Variants in NECTIN3 observed in about 807,000 individuals in gnomAD.
The protein encoded by NECTIN3 is nectin cell adhesion molecule 3, also known as nectin-3.
Under a neutral mutation model 49.4 loss-of-function variants are expected in NECTIN3, and 8 were observed. The observed-to-expected ratio is 0.16, with a 90% CI of 0.10 to 0.29. The LOEUF (loss-of-function observed/expected upper bound fraction) is 0.29. Ranked by LOEUF, NECTIN3 falls within the 10% of genes least tolerant of loss-of-function variation. NECTIN3 has a pLI of 1.00. For missense variants in NECTIN3, 581 were observed against 654.6 expected (o/e 0.89, Z 1.23); for synonymous variants, 277 against 241.1 (o/e 1.15, Z -1.38).
At chr3:111,074,946 T>C (rs1307118305) in intron 1 of NECTIN3, 1 of 152,060 alleles carries the variant, frequency 6.6e-6, no homozygotes, top group African/African-American at 2.4e-5. Flanking sequence ...TAGACTGACC[T>C]TTGTAAGGTC....
At chr3:111,177,823 C>T (rs1433526983) in intron 7 of NECTIN3, among the ~76,000 whole-genome samples, 1 of 151,984 alleles carries the variant, frequency 6.6e-6, no homozygotes, top group African/African-American at 2.4e-5. Context: ...GCATTTGTAC[C>T]CCAGAAATGG....
intron 7 of NECTIN3, among the ~76,000 whole-genome samples, chr3:111,159,272 T>C (rs997565837): frequency 2.0e-5 from 3 of 152,186 alleles, no homozygotes; most frequent in Non-Finnish European, 2.9e-5. Flanking sequence ...ACCAATATTG[T>C]CCTGAGGGAA....
intron 1 of NECTIN3, among the ~76,000 whole-genome samples, chr3:111,081,131 A>ATAAT (rs2031575521): frequency 6.6e-6 from 1 of 152,164 alleles, no homozygotes; most frequent in Non-Finnish European, 1.5e-5. Context: ...AAATAAATAA[A>ATAAT]TAAGCCAGGC....
chr3:111,137,647 GTTTAT>G (rs1292622855), downstream of NECTIN3: 2 of 267,010 alleles, frequency 7.5e-6, no homozygotes, highest in East Asian at 1.8e-4. Flanking sequence ...GTGTAACCTA[GTTTAT>G]TTTAATTATC....
intron 5 of NECTIN3, among the ~76,000 whole-genome samples, chr3:111,128,830 C>T (rs1051708493): frequency 1.3e-5 from 2 of 152,172 alleles, no homozygotes; most frequent in Non-Finnish European, 2.9e-5. Context: ...CATTTAATCT[C>T]CCTACTTTGC....
intron 1 of NECTIN3, among the ~76,000 whole-genome samples, chr3:111,099,511 G>A (rs919502096): frequency 1.3e-5 from 2 of 152,098 alleles, no homozygotes; most frequent in Non-Finnish European, 2.9e-5. Context: ...AATCTTCTGT[G>A]TTGTAGAACA....
chr3:111,111,886 T>C lies in NECTIN3; in HGVS notation c.161-144T>C, dbSNP rs561091135. 2.7e-5 allele frequency: 15 copies of C among 557,488 alleles called. No individual in the cohort carries two copies. In the East Asian group the frequency reaches 4.1e-4, roughly 15 times the overall value. 34.5% of individuals were successfully genotyped at this position (557,488 alleles called of 1,614,324 possible). On this transcript the variant is annotated intron_variant, in intron 1 of 5. Transcript: ENST00000485303. ...TGTGTGTGGTGCGTGTGAGTGCATGTGTGTGTGTGTGCATGTGTGTGTGTG... is the reference window on the plus strand; with the variant it reads ...TGTGTGTGGTGCGTGTGAGTGCATGCGTGTGTGTGTGCATGTGTGTGTGTG...
Position 111,118,671 on chromosome 3 carries a change from GCCT to G in NECTIN3, c.519_521del (p.Ser173_Leu174delinsArg). 2 of 1,601,520 alleles carry G rather than the reference GCCT, an allele frequency of 1.2e-6. No homozygotes were observed. The highest frequency in any genetic ancestry group is 1.7e-6 in the Non-Finnish European group (2 of 1,172,974). ...ATTTAAACAGTTGAACCCACTGTGA[GCCT>G]GATAAAAGGGCCAGATTCTTTAATT... On this transcript the variant is annotated inframe_deletion, in exon 3 of 6. Coordinates refer to ENST00000485303, the MANE Select transcript of NECTIN3 (RefSeq NM_015480.3).
At chr3:111,117,010 A>G (rs542070004) in intron 2 of NECTIN3, among the ~76,000 whole-genome samples, 1 of 152,268 alleles carries the variant, frequency 6.6e-6, no homozygotes, top group Non-Finnish European at 1.5e-5. Context: ...GCTAAGATAC[A>G]TGAATGGAAA....
At position 111,079,744 on chromosome 3, in the gene NECTIN3, G is replaced by C. The variant is rs1441350794; in HGVS notation, c.160+7567G>C. Among the ~76,000 whole-genome samples, 3 of 151,616 alleles carry C rather than the reference G, an allele frequency of 2.0e-5. No individual in the cohort carries two copies. In the East Asian group the frequency reaches 5.9e-4, roughly 30 times the overall value. On this transcript the variant is annotated intron_variant, in intron 1 of 5. Transcript: ENST00000485303. ...ACTCTAAAACTCTGCATTTCTGCTT[G>C]TTAAATTTAAAGGAAGTAAAAAATT...
chr3:111,188,534 G>A (rs1050400765), upstream of NECTIN3, among the ~76,000 whole-genome samples: 8 of 152,010 alleles, frequency 5.3e-5, no homozygotes, highest in East Asian at 1.5e-3. Context: ...GTCCTTTACT[G>A]TCAAATTCAC....
chr3:111,193,194 T>G, intron 1 of NECTIN3: 1 of 1,534,616 alleles, frequency 6.5e-7, no homozygotes, highest in Non-Finnish European at 8.7e-7. Context: ...ATGTTTGAAT[T>G]TTTAGAATGG....
chr3:111,158,086 C>T (rs1328210836), intron 7 of NECTIN3, among the ~76,000 whole-genome samples: 4 of 151,982 alleles, frequency 2.6e-5, no homozygotes. Context: ...AGATTTTCTT[C>T]TTGAAAATGT....
At chr3:111,125,688 G>C (rs1042568718) in intron 4 of NECTIN3, among the ~76,000 whole-genome samples, 2 of 152,156 alleles carry the variant, frequency 1.3e-5, no homozygotes, top group Non-Finnish European at 2.9e-5. Flanking sequence ...ATAGAGCACA[G>C]TGTCTATTTG....
At chr3:111,193,164 C>G (rs762240085) in intron 1 of NECTIN3, 2 of 1,501,292 alleles carry the variant, frequency 1.3e-6, no homozygotes, top group South Asian at 2.4e-5. Flanking sequence ...ATGCAAACAG[C>G]TGCTCTGCTA....
intron 1 of NECTIN3, among the ~76,000 whole-genome samples, chr3:111,107,546 C>A (rs755119629): frequency 2.6e-5 from 4 of 152,094 alleles, no homozygotes; most frequent in East Asian, 1.9e-4. Context: ...CAATTATTTG[C>A]TATTCCTTTG....
intron 1 of NECTIN3, among the ~76,000 whole-genome samples, chr3:111,083,824 G>A (rs1437021027): frequency 6.6e-6 from 1 of 152,180 alleles, no homozygotes; most frequent in East Asian, 1.9e-4. Flanking sequence ...GTTTGTTAAG[G>A]TCATTACCTG....
At chr3:111,097,140 C>G (rs2032633870) in intron 1 of NECTIN3, among the ~76,000 whole-genome samples, 1 of 152,216 alleles carries the variant, frequency 6.6e-6, no homozygotes, top group East Asian at 1.9e-4. Flanking sequence ...GGGAACCCAT[C>G]TGTTGTATCA....
chr3:111,173,558 T>C (rs139667777), intron 7 of NECTIN3, among the ~76,000 whole-genome samples: 29 of 152,342 alleles, frequency 1.9e-4, no homozygotes, highest in Non-Finnish European at 3.8e-4. Context: ...CTTCTCCCTG[T>C]AGTCAGCCCC....
Sources: gnomAD v4.1 joint callset for allele counts (sites outside exome capture counted in the v4.1 genomes callset) on GRCh38, gnomAD v4.1.1 for gene constraint, MANE v1.5 for transcripts, NCBI Gene and HGNC (gene_info 2026-07-23, HGNC 2026-07-21) for gene names.